Variants in B3GAT2 observed in about 807,000 individuals in gnomAD.
B3GAT2 encodes galactosylgalactosylxylosylprotein 3-beta-glucuronosyltransferase 2.
Under a neutral mutation model 27.8 loss-of-function variants are expected in B3GAT2, and 26 were observed. The ratio of observed to expected loss-of-function variants is 0.93; its 90% CI spans 0.68 to 1.30. The LOEUF is 1.30. Ranked by LOEUF, B3GAT2 falls within the 50% of genes most tolerant of loss-of-function variation. B3GAT2 has a pLI of 0.00. For synonymous variants in B3GAT2, 218 were observed against 195.1 expected, an observed-to-expected ratio of 1.12 and a Z score of -0.98; for missense variants, 458 against 459.0, an observed-to-expected ratio of 1.00 and a Z score of 0.02.
chr6:70,908,307 G>A (rs1006399472), intron 1 of B3GAT2, among the ~76,000 whole-genome samples: 1 of 152,194 alleles, frequency 6.6e-6, no homozygotes, highest in African/African-American at 2.4e-5. Context: ...CTGACTCACA[G>A]GAAAGTGGAA....
chr6:70,872,319 T>G (rs532411655), intron 2 of B3GAT2, among the ~76,000 whole-genome samples: 1 of 151,938 alleles, frequency 6.6e-6, no homozygotes, highest in Non-Finnish European at 1.5e-5. Context: ...TGATGAATTA[T>G]TTTTTCCTTC....
intron 2 of B3GAT2, among the ~76,000 whole-genome samples, chr6:70,866,974 GA>G (rs1484002076): frequency 6.6e-6 from 1 of 151,878 alleles, no homozygotes; most frequent in Non-Finnish European, 1.5e-5. Context: ...TATGTTTTCT[GA>G]CTACAGTGGA....
chr6:70,918,120 C>T (rs1321754822), intron 1 of B3GAT2, among the ~76,000 whole-genome samples: 1 of 152,130 alleles, frequency 6.6e-6, no homozygotes, highest in Non-Finnish European at 1.5e-5. Context: ...GGATAGTTAG[C>T]TCTTCTTGTT....
intron 1 of B3GAT2, among the ~76,000 whole-genome samples, chr6:70,899,132 G>T (rs1772447711): frequency 6.6e-6 from 1 of 151,988 alleles, no homozygotes; most frequent in African/African-American, 2.4e-5. Context: ...GAAGGCAAAA[G>T]ACATTTTTAA....
chr6:70,955,993 C>T lies in B3GAT2; in HGVS notation c.437G>A (p.Arg146Gln), dbSNP rs767702737. The T allele has an allele frequency of 1.4e-5, 21 of 1,456,426 alleles. No individual in the cohort carries two copies. The highest frequency in any genetic ancestry group is 1.9e-5 in the Non-Finnish European group (21 of 1,113,738). 90.2% of individuals were successfully genotyped at this position (1,456,426 alleles called of 1,614,324 possible). A position where few individuals can be genotyped will look rare whatever the true frequency, so the allele number is the denominator to read the frequency against. Residue 146 changes from arginine to glutamine, a missense_variant, in exon 1 of 4, where the codon CGG becomes CAG. By Grantham distance (43) the Arg-to-Gln change is conservative. Transcript: ENST00000230053. ...CGGCAGCCCGGGCCGCTTGTAGCGC[C>T]GCGGCGTGGGCACGTGCAGGTGAGT... ...PSTHLHVPTP[R>Q]RYKRPGLPRA...
intron 2 of B3GAT2, among the ~76,000 whole-genome samples, chr6:70,879,259 A>T (rs1294056429): frequency 1.3e-5 from 2 of 152,158 alleles, no homozygotes; most frequent in Non-Finnish European, 2.9e-5. Context: ...CACAGACATA[A>T]TGATTTCACG....
chr6:70,885,928 C>T (rs1049134893), intron 2 of B3GAT2, among the ~76,000 whole-genome samples: 1 of 152,154 alleles, frequency 6.6e-6, no homozygotes, highest in African/African-American at 2.4e-5. Context: ...CTGCATGGAC[C>T]TCACCACTGT....
In B3GAT2 at chr6:70,945,631, G is replaced by A. The variant is rs980298906; in HGVS notation, c.591+10208C>T. ...TGAAAGTGACGGGGAGGATGGAACC[G>A]AGTTGGAAAACACTCGGCACGATAT... is the stretch of plus-strand genomic sequence containing the variant. On this transcript the variant is annotated intron_variant, in intron 1 of 3. Transcript: ENST00000230053. Among the ~76,000 whole-genome samples the A allele has an allele frequency of 5.0e-4, 75 of 149,966 alleles. 1 individual carries two copies. The highest frequency in any genetic ancestry group is 1.5e-3 in the African/African-American group (62 of 40,590).
intron 1 of B3GAT2, among the ~76,000 whole-genome samples, chr6:70,913,600 A>G (rs1277595027): frequency 6.6e-6 from 1 of 152,204 alleles, no homozygotes; most frequent in African/African-American, 2.4e-5. Flanking sequence ...TTAATTTGCT[A>G]AGAATTGACT....
chr6:70,860,765 A>C lies in B3GAT2; in HGVS notation c.*898T>G, dbSNP rs545459761. The C allele has an allele frequency of 2.2e-4, 89 of 399,634 alleles. No individual in the cohort carries two copies. The highest frequency in any genetic ancestry group is 1.7e-3 in the African/African-American group (83 of 48,726). 24.8% of individuals were successfully genotyped at this position (399,634 alleles called of 1,614,324 possible). A position where few individuals can be genotyped will look rare whatever the true frequency, so the allele number is the denominator to read the frequency against. ...ATCAAATGTTTAATCATATAAATAG[A>C]ATGTAAATGTCTCACTGAGCACTGT... On this transcript the variant is annotated 3_prime_UTR_variant, in exon 4 of 4. Transcript: ENST00000230053.
chr6:70,872,261 T>C (rs1387852619), intron 2 of B3GAT2, among the ~76,000 whole-genome samples: 1 of 151,948 alleles, frequency 6.6e-6, no homozygotes, highest in African/African-American at 2.4e-5. Context: ...TCTATCTAGT[T>C]GTTCTGTCTA....
chr6:70,929,945 T>C (rs187486932), intron 1 of B3GAT2, among the ~76,000 whole-genome samples: 168 of 152,192 alleles, frequency 1.1e-3, no homozygotes, highest in African/African-American at 3.9e-3. Context: ...TCAAATTATA[T>C]TATAAGGCTA....
intron 2 of B3GAT2, among the ~76,000 whole-genome samples, chr6:70,876,394 G>A (rs1330641619): frequency 6.6e-6 from 1 of 152,132 alleles, no homozygotes; most frequent in Admixed American, 6.5e-5. Context: ...AGTGTGGCGG[G>A]GAAGGACGGT....
chr6:70,942,781 T>A (rs1447807029), intron 1 of B3GAT2, among the ~76,000 whole-genome samples: 1 of 152,144 alleles, frequency 6.6e-6, no homozygotes. Flanking sequence ...TATTAAAACA[T>A]CTTCTGAATA....
At chr6:70,871,684 T>A (rs1160555097) in intron 2 of B3GAT2, among the ~76,000 whole-genome samples, 1 of 151,950 alleles carries the variant, frequency 6.6e-6, no homozygotes, top group Non-Finnish European at 1.5e-5. Flanking sequence ...TTTTATGGAT[T>A]TTCTTATATT....
chr6:70,862,507 CTAATTTTTAATCA>C (rs1161612028), intron 2 of B3GAT2, among the ~76,000 whole-genome samples: 20 of 152,048 alleles, frequency 1.3e-4, no homozygotes, highest in African/African-American at 4.8e-4. Context: ...TGAATCATAC[CTAATTTTTAATCA>C]TCTGGTTTAT....
Position 70,860,256 on chromosome 6 carries a change from T to C in B3GAT2, c.*1407A>G, listed in dbSNP as rs1771655634. 1 of 1,613,766 alleles carries C rather than the reference T, an allele frequency of 6.2e-7. No homozygotes were observed. ...GTAGTGCAACCCCTACTGCAGGTTT[T>C]GGCCAGCCCTCCAGCACAACAGCAG... On this transcript the variant is annotated 3_prime_UTR_variant, in exon 4 of 4. Coordinates refer to ENST00000230053, the MANE Select transcript of B3GAT2 (RefSeq NM_080742.3).
In B3GAT2 at chr6:70,889,765, C is replaced by T. The variant is rs961474514; in HGVS notation, c.736+4363G>A. Among the ~76,000 whole-genome samples the T allele has an allele frequency of 2.6e-4, 40 of 151,698 alleles. 1 individual carries two copies. Among genetic ancestry groups the T allele is most frequent in the Admixed American group, 2.2e-3 (34 of 15,166 alleles). The stretch of plus-strand genomic sequence containing the variant: ...CCTTTCCCAGATCAAATCTCTCCCC[C>T]TCTGCTCCATTAGAAACCTAATTTT... On this transcript the variant is annotated intron_variant, in intron 2 of 3. Transcript: ENST00000230053.
At chr6:70,946,882 T>A in intron 1 of B3GAT2, among the ~76,000 whole-genome samples, 1 of 151,916 alleles carries the variant, frequency 6.6e-6, no homozygotes, top group Non-Finnish European at 1.5e-5. Context: ...ACAAACTGTC[T>A]CTCAGACCAC....
Sources: allele counts gnomAD v4.1 joint callset (sites outside exome capture counted in the v4.1 genomes callset), GRCh38; gene constraint gnomAD v4.1.1; transcripts MANE v1.5; gene names NCBI Gene and HGNC (gene_info 2026-07-23, HGNC 2026-07-21).